Variants in LRMDA observed in about 807,000 individuals in gnomAD.
The protein encoded by LRMDA is leucine-rich melanocyte differentiation-associated protein.
A neutral mutation model predicts 29.8 loss-of-function variants in LRMDA; 18 were observed. That is an observed-to-expected ratio of 0.60 (90% confidence interval 0.42 to 0.90). LRMDA has a LOEUF of 0.90. Ranked by LOEUF, LRMDA falls within the 40% of genes least tolerant of loss-of-function variation. LRMDA has a pLI of 0.00. For missense variants in LRMDA, 273 were observed against 273.9 expected (o/e 1.00, Z 0.02); for synonymous variants, 125 against 109.4 (o/e 1.14, Z -0.89).
intron 2 of LRMDA, among the ~76,000 whole-genome samples, chr10:75,973,031 CA>C (rs1847006345): frequency 8.7e-6 from 1 of 114,510 alleles, no homozygotes; most frequent in Admixed American, 7.6e-5. Context: ...ACAGCAGCAG[CA>C]GCAGCAGCAG....
chr10:75,860,658 T>C (rs1378750001), intron 2 of LRMDA, among the ~76,000 whole-genome samples: 3 of 152,332 alleles, frequency 2.0e-5, no homozygotes, highest in Non-Finnish European at 4.4e-5. Flanking sequence ...TGAAGCCCAA[T>C]GTTGCTTGTG....
intron 2 of LRMDA, among the ~76,000 whole-genome samples, chr10:75,976,854 A>G (rs1226152864): frequency 2.6e-5 from 4 of 152,214 alleles, no homozygotes; most frequent in African/African-American, 4.8e-5. Flanking sequence ...CCACATTACA[A>G]TGCCTCTCTA....
chr10:75,558,801 G>A (rs1237594045), intron 2 of LRMDA, among the ~76,000 whole-genome samples: 1 of 145,590 alleles, frequency 6.9e-6, no homozygotes, highest in Non-Finnish European at 1.5e-5. Flanking sequence ...TTATCCTTGC[G>A]ATAGTTTACT....
chr10:76,017,576 C>T (rs1020551930), intron 2 of LRMDA, among the ~76,000 whole-genome samples: 11 of 152,286 alleles, frequency 7.2e-5, no homozygotes, highest in South Asian at 4.1e-4. Context: ...GTTTTCTGTC[C>T]GAGGTCTCCC....
chr10:76,378,382 C>A (rs549630777), intron 6 of LRMDA, among the ~76,000 whole-genome samples: 32 of 151,672 alleles, frequency 2.1e-4, no homozygotes, highest in Non-Finnish European at 3.8e-4. Flanking sequence ...TTATTTATTT[C>A]TTTTGCCTGA....
chr10:75,802,063 A>G (rs1452419489), intron 2 of LRMDA, among the ~76,000 whole-genome samples: 1 of 152,168 alleles, frequency 6.6e-6, no homozygotes, highest in South Asian at 2.1e-4. Flanking sequence ...TCATGCCTGT[A>G]ATCCCAACAC....
intron 2 of LRMDA, among the ~76,000 whole-genome samples, chr10:75,615,332 G>A (rs747918534): frequency 5.3e-5 from 8 of 152,100 alleles, no homozygotes; most frequent in Non-Finnish European, 1.0e-4. Flanking sequence ...AAGTGTTTTT[G>A]ATTTTTAATT....
intron 5 of LRMDA, among the ~76,000 whole-genome samples, chr10:76,303,822 TC>T (rs1008890777): frequency 1.2e-4 from 18 of 152,024 alleles, no homozygotes; most frequent in Admixed American, 4.6e-4. Flanking sequence ...AATATGACAT[TC>T]AGTACTGCTG....
At chr10:76,036,322 AATTT>A (rs1304785881) in intron 3 of LRMDA, among the ~76,000 whole-genome samples, 188 bp downstream of exon 3, 2 of 152,250 alleles carry the variant, frequency 1.3e-5, no homozygotes, top group Non-Finnish European at 2.9e-5. Context: ...ACTTCAGAGT[AATTT>A]ATTATAGGTC....
intron 6 of LRMDA, among the ~76,000 whole-genome samples, chr10:76,351,288 A>G (rs1359130473): frequency 4.6e-5 from 7 of 152,114 alleles, no homozygotes; most frequent in Non-Finnish European, 1.0e-4. Context: ...AATTTCAGGG[A>G]GAATATTCGA....
chr10:76,143,348 C>A (rs967792067), intron 5 of LRMDA, among the ~76,000 whole-genome samples: 1 of 152,188 alleles, frequency 6.6e-6, no homozygotes, highest in Non-Finnish European at 1.5e-5. Context: ...TTCTCTCCAG[C>A]ACCTGTTGTT....
intron 2 of LRMDA, among the ~76,000 whole-genome samples, chr10:75,467,909 C>T (rs1217698892): frequency 2.0e-5 from 3 of 150,470 alleles, no homozygotes; most frequent in African/African-American, 7.4e-5. Flanking sequence ...TGCAGTGAGC[C>T]GAGATCGCGT....
intron 6 of LRMDA, among the ~76,000 whole-genome samples, chr10:76,401,345 C>T (rs1354368767): frequency 6.6e-6 from 1 of 152,192 alleles, no homozygotes; most frequent in Non-Finnish European, 1.5e-5. Context: ...CCTTCCTTTA[C>T]CGCATACCTG....
At chr10:75,984,552 A>G (rs1847230624) in intron 2 of LRMDA, among the ~76,000 whole-genome samples, 1 of 152,250 alleles carries the variant, frequency 6.6e-6, no homozygotes, top group Non-Finnish European at 1.5e-5. Context: ...TTCATGCTGC[A>G]TGAGCAGGAG....
intron 5 of LRMDA, among the ~76,000 whole-genome samples, chr10:76,269,184 ACTGTGATGTG>A (rs1175717507): frequency 6.6e-6 from 1 of 152,130 alleles, no homozygotes; most frequent in Non-Finnish European, 1.5e-5. Context: ...CCAGTGGCAC[ACTGTGATGTG>A]CTGCAGGTTA....
intron 2 of LRMDA, among the ~76,000 whole-genome samples, chr10:75,567,982 C>A (rs1190051911): frequency 2.0e-5 from 3 of 152,188 alleles, no homozygotes; most frequent in African/African-American, 7.2e-5. Flanking sequence ...TTCAATGACA[C>A]AAGCACATTA....
At chr10:75,445,322 T>C (rs1251643253) in intron 2 of LRMDA, among the ~76,000 whole-genome samples, 1 of 152,162 alleles carries the variant, frequency 6.6e-6, no homozygotes, top group East Asian at 1.9e-4. Context: ...ATTTCTACTA[T>C]TATAAATAGC....
At chr10:76,144,743 G>A (rs1404839204) in intron 5 of LRMDA, among the ~76,000 whole-genome samples, 2 of 152,074 alleles carry the variant, frequency 1.3e-5, no homozygotes, top group Non-Finnish European at 1.5e-5. Flanking sequence ...AATAGGAGTG[G>A]TGAGAGAGGG....
intron 6 of LRMDA, among the ~76,000 whole-genome samples, chr10:76,331,871 A>G (rs1447305623): frequency 6.6e-6 from 1 of 152,186 alleles, no homozygotes; most frequent in Non-Finnish European, 1.5e-5. Flanking sequence ...TCCTTTATTT[A>G]ATCGAGGTGA....
Sources: allele counts gnomAD v4.1 joint callset (sites outside exome capture counted in the v4.1 genomes callset), GRCh38; gene constraint gnomAD v4.1.1; transcripts MANE v1.5; gene names NCBI Gene and HGNC (gene_info 2026-07-23, HGNC 2026-07-21).